The following CERS5 variants were observed in gnomAD, a reference collection of about 807,000 sequenced individuals.
CERS5 encodes LAG1 homolog, ceramide synthase 5.
CERS5 carries 37 observed loss-of-function variants against 58.9 expected under a neutral mutation model. That is an observed-to-expected ratio of 0.63 (90% CI 0.48 to 0.83). The LOEUF is 0.83. Among genes scored for constraint, CERS5 ranks in the 40% least tolerant of loss-of-function variants. CERS5 has a pLI of 0.00. For synonymous variants in CERS5, 147 were observed against 177.8 expected (o/e 0.83, Z 1.38); for missense variants, 398 against 489.3 (o/e 0.81, Z 1.76).
intron 1 of CERS5, among the ~76,000 whole-genome samples, chr12:50,162,549 A>G (rs559865211): frequency 6.6e-6 from 1 of 152,316 alleles, no homozygotes; most frequent in South Asian, 2.1e-4. Context: ...TCTGAAAAAA[A>G]GAGAAAATGT....
intron 4 of CERS5, among the ~76,000 whole-genome samples, chr12:50,141,474 A>G (rs1179181868): frequency 6.6e-6 from 1 of 152,144 alleles, no homozygotes; most frequent in African/African-American, 2.4e-5. Context: ...TTTGTAAACC[A>G]TTAAGTATTA....
At chr12:50,148,551 C>A in intron 1 of CERS5, 1 of 349,306 alleles carries the variant, frequency 2.9e-6, no homozygotes. Context: ...GAGCTGAGAT[C>A]TCACCACTGC....
At chr12:50,153,780 C>A (rs538800018) in intron 1 of CERS5, 121 of 314,596 alleles carry the variant, frequency 3.8e-4, no homozygotes, top group African/African-American at 2.6e-3. Flanking sequence ...TATGGTGAAA[C>A]CCCATCTCCA....
chr12:50,134,503 T>TATC, intron 9 of CERS5, 43 bp downstream of exon 9: 1 of 1,613,896 alleles, frequency 6.2e-7, no homozygotes, highest in African/African-American at 1.3e-5. Context: ...GAGTAATCCC[T>TATC]ATCTTCCATA....
At position 50,130,586 on chromosome 12, in the gene CERS5, C is replaced by T. The variant is rs1272644311; in HGVS notation, c.1138G>A (p.Val380Met). The change falls in exon 10 of 10, where the codon GTG (valine) becomes ATG (methionine). Residue 380 changes from valine (V) to methionine (M), a missense_variant. This residue lies in a region of CERS5 where 47 missense variants were observed against 50.2 expected (regional missense o/e 0.94). Transcript: ENST00000317551. ...TAGCTGCCTCCCATGTGACCATTCA[C>T]CCGATTGGCACCATTGCTGGAGCTA... The part of the protein sequence containing the change: ...DSSSSNGANR[V>M]NGHMGGSYWA... 3 of 1,612,424 alleles carry T rather than the reference C, an allele frequency of 1.9e-6. No individual in the cohort carries two copies. In the Admixed American group the frequency reaches 5.0e-5, roughly 27 times the overall value.
At chr12:50,156,738 G>A (rs1316480006) in intron 1 of CERS5, among the ~76,000 whole-genome samples, 1 of 152,150 alleles carries the variant, frequency 6.6e-6, no homozygotes, top group Non-Finnish European at 1.5e-5. Context: ...ACCCACTGCT[G>A]TACAGCATAG....
chr12:50,135,586 G>C, intron 8 of CERS5, 146 bp downstream of exon 8: 1 of 754,816 alleles, frequency 1.3e-6, no homozygotes, highest in Non-Finnish European at 2.4e-6. Flanking sequence ...CACAGGCTAA[G>C]GTAAAAGCAG....
At chr12:50,140,334 A>G (rs1951905811) in intron 4 of CERS5, among the ~76,000 whole-genome samples, 1 of 121,884 alleles carries the variant, frequency 8.2e-6, no homozygotes, top group Admixed American at 1.1e-4. Flanking sequence ...CCCAGGCTGG[A>G]GTGAAGTGGC....
chr12:50,159,048 G>A lies in CERS5; in HGVS notation c.197+8053C>T, dbSNP rs375292359. ...TCAAAGATTACTCAAGCGGCCGGGC[G>A]CGGTGGCTCACACCTGTAATCCCAG... On this transcript the variant is annotated intron_variant, in intron 1 of 9. Transcript: ENST00000317551. Among the ~76,000 whole-genome samples the A allele has an allele frequency of 9.1e-4, 139 of 152,178 alleles. 1 individual carries two copies. The South Asian group carries it at 0.027, about 29-fold the overall frequency.
At chr12:50,132,506 T>C (rs1951383120) in intron 9 of CERS5, among the ~76,000 whole-genome samples, 1 of 152,022 alleles carries the variant, frequency 6.6e-6, no homozygotes, top group Non-Finnish European at 1.5e-5. Context: ...CCTCCAGAAC[T>C]GAAGGATAAT....
At chr12:50,167,031 C>A in intron 1 of CERS5, 70 bp downstream of exon 1, 2 of 1,234,820 alleles carry the variant, frequency 1.6e-6, no homozygotes, top group Middle Eastern at 2.4e-4. Context: ...TTCCGGCCCT[C>A]GGCCCTTCCC....
At chr12:50,156,404 A>AAAAT (rs1938629449) in intron 1 of CERS5, among the ~76,000 whole-genome samples, 1 of 125,682 alleles carries the variant, frequency 8.0e-6, no homozygotes. Context: ...ACTCTGTCTC[A>AAAAT]AAACAAACAA....
chr12:50,137,850 C>A (rs778158310), intron 5 of CERS5, 30 bp from the exon 6 acceptor site: 4 of 1,447,606 alleles, frequency 2.8e-6, no homozygotes, highest in Admixed American at 3.4e-5. Flanking sequence ...AGTTAGATTA[C>A]CGGCTAGTCA....
chr12:50,141,277 C>A (rs570755534), intron 4 of CERS5, among the ~76,000 whole-genome samples: 10 of 152,200 alleles, frequency 6.6e-5, no homozygotes, highest in African/African-American at 2.4e-4. Flanking sequence ...GTCTTGAACT[C>A]CTGGGTTCAA....
chr12:50,148,149 A>T (rs1385537603), intron 1 of CERS5, among the ~76,000 whole-genome samples: 1 of 151,918 alleles, frequency 6.6e-6, no homozygotes, highest in African/African-American at 2.4e-5. Context: ...CCCAAAACAC[A>T]AAAGTTAGAC....
chr12:50,143,729 G>A, intron 2 of CERS5: 2 of 468,804 alleles, frequency 4.3e-6, no homozygotes, highest in Non-Finnish European at 7.7e-6. Context: ...GGTGGCTGCT[G>A]GGCCTAAAAC....
chr12:50,135,678 A>G, intron 8 of CERS5, 54 bp downstream of exon 8: 1 of 1,289,138 alleles, frequency 7.8e-7, no homozygotes, highest in East Asian at 2.3e-5. Context: ...GAGAATTGGC[A>G]AAAAGGTATC....
chr12:50,157,407 G>A (rs1007733838), intron 1 of CERS5, among the ~76,000 whole-genome samples: 4 of 150,986 alleles, frequency 2.6e-5, no homozygotes, highest in African/African-American at 4.9e-5. Flanking sequence ...TACTAGAGTC[G>A]CAACATCTCA....
intron 9 of CERS5, chr12:50,133,498 G>A: frequency 1.0e-6 from 1 of 989,924 alleles, no homozygotes; most frequent in Non-Finnish European, 1.2e-6. Context: ...TCACAGCATG[G>A]TCACCTTGTG....
Sources: allele counts gnomAD v4.1 joint callset (sites outside exome capture counted in the v4.1 genomes callset), GRCh38; gene constraint gnomAD v4.1.1; regional missense constraint gnomAD v4.1.1; transcripts MANE v1.5; gene names NCBI Gene and HGNC (gene_info 2026-07-23, HGNC 2026-07-21).